GLIS3: variants seen among roughly 807,000 people sequenced by gnomAD.
The protein encoded by GLIS3 is GLIS family zinc finger 3.
GLIS3 carries 53 observed loss-of-function variants against 78.6 expected under a neutral mutation model. The ratio of observed to expected loss-of-function variants is 0.67; its 90% CI spans 0.54 to 0.85. The LOEUF (loss-of-function observed/expected upper bound fraction) is 0.85. Among genes scored for constraint, GLIS3 ranks in the 40% least tolerant of loss-of-function variants. The probability of loss-of-function intolerance (pLI) is 0.00; values close to 1 mark genes in which losing one functional copy is unlikely to be tolerated. For missense variants in GLIS3, 1,703 were observed against 1,231.1 expected (o/e 1.38, Z -5.74); for synonymous variants, 684 against 509.9 (o/e 1.34, Z -4.60).
intron 4 of GLIS3, among the ~76,000 whole-genome samples, chr9:3,994,077 A>G (rs1361157752): frequency 1.3e-5 from 2 of 152,206 alleles, no homozygotes; most frequent in African/African-American, 4.8e-5. Flanking sequence ...TGGACCAAAG[A>G]ATCTGCATTT....
the GLIS3 span, among the ~76,000 whole-genome samples, chr9:4,373,414 G>C: frequency 6.6e-6 from 1 of 152,160 alleles, no homozygotes; most frequent in East Asian, 1.9e-4. Flanking sequence ...CGGATGGGAG[G>C]TTAAATCCTT....
intron 4 of GLIS3, among the ~76,000 whole-genome samples, chr9:3,956,721 A>C (rs1372752681): frequency 6.6e-6 from 1 of 152,160 alleles, no homozygotes; most frequent in Non-Finnish European, 1.5e-5. Context: ...AACTCCTTCC[A>C]TGTGCCAACT....
rs780657741 is a variant in GLIS3, at chr9:4,118,940, A to G, written c.597-59T>C. The stretch of plus-strand genomic sequence containing the variant: ...AGATAAACATTTTAGCAGGATACGG[A>G]TTGCTTAAGAGCTAAAAGAACACTG... On this transcript the variant is annotated intron_variant, in intron 3 of 10. Transcript: ENST00000381971. This position sits in a 1 kb window ranked among gnomAD's most constrained non-coding sequence, Gnocchi z 4.7. 1.6e-4 allele frequency: 243 copies of G among 1,542,518 alleles called. No individual in the cohort carries two copies. The highest frequency in any genetic ancestry group is 2.1e-4 in the Admixed American group (11 of 53,572).
intron 2 of GLIS3, among the ~76,000 whole-genome samples, chr9:4,183,279 C>T (rs936730873): frequency 6.6e-6 from 1 of 152,132 alleles, no homozygotes; most frequent in Non-Finnish European, 1.5e-5. Flanking sequence ...GGGGTCACTT[C>T]AGCCATAAGA....
chr9:4,314,803 C>T (rs962454043), intron 2 of GLIS3, among the ~76,000 whole-genome samples: 1 of 152,184 alleles, frequency 6.6e-6, no homozygotes, highest in Non-Finnish European at 1.5e-5. Context: ...TGTCCCTGAG[C>T]CTTCATAGGG....
At chr9:4,356,940 G>A in the GLIS3 span, among the ~76,000 whole-genome samples, 1 of 152,228 alleles carries the variant, frequency 6.6e-6, no homozygotes, top group Non-Finnish European at 1.5e-5. Flanking sequence ...ATTTTAATAA[G>A]TGTTTCAAAA....
At chr9:4,469,500 C>G in the GLIS3 span, among the ~76,000 whole-genome samples, 29,367 of 152,136 alleles carry the variant, frequency 0.19, 2,933 homozygotes, top group Admixed American at 0.23. Flanking sequence ...AACCGCTCAA[C>G]TACATGGAAA....
intron 8 of GLIS3, among the ~76,000 whole-genome samples, chr9:3,875,885 C>T (rs1263352451): frequency 6.6e-6 from 1 of 152,180 alleles, no homozygotes; most frequent in African/African-American, 2.4e-5. Context: ...TCCATTTCCC[C>T]TTCCATGATT....
At chr9:4,217,949 C>T (rs1426577858) in intron 2 of GLIS3, among the ~76,000 whole-genome samples, 1 of 152,214 alleles carries the variant, frequency 6.6e-6, no homozygotes, top group Non-Finnish European at 1.5e-5. Context: ...TATTTAGCAT[C>T]TGCTGTGAGA....
intron 2 of GLIS3, among the ~76,000 whole-genome samples, chr9:4,233,290 G>A (rs1822434478): frequency 6.6e-6 from 1 of 152,086 alleles, no homozygotes; most frequent in African/African-American, 2.4e-5. Context: ...CTCAATCTAG[G>A]CACTAGACAG....
chr9:3,967,310 CCTGA>C (rs1276513329), intron 4 of GLIS3, among the ~76,000 whole-genome samples: 1 of 152,148 alleles, frequency 6.6e-6, no homozygotes, highest in Non-Finnish European at 1.5e-5. Flanking sequence ...TCAAGACCAG[CCTGA>C]CTAACATGGT....
intron 4 of GLIS3, among the ~76,000 whole-genome samples, chr9:3,945,868 G>A (rs964189600): frequency 2.1e-4 from 32 of 152,158 alleles, no homozygotes; most frequent in African/African-American, 7.2e-4. Flanking sequence ...GGTCAAAGAA[G>A]GGAAGGGGGA....
chr9:4,364,719 T>C, the GLIS3 span, among the ~76,000 whole-genome samples: 3 of 138,216 alleles, frequency 2.2e-5, no homozygotes, highest in African/African-American at 9.0e-5. Flanking sequence ...TTTATATATA[T>C]ATATATATTA....
chr9:3,863,367 G>T (rs1320072863), intron 8 of GLIS3, among the ~76,000 whole-genome samples: 1 of 152,202 alleles, frequency 6.6e-6, no homozygotes, highest in Non-Finnish European at 1.5e-5. Context: ...AGACAATCAA[G>T]ACCAGCTTTC....
chr9:4,212,649 A>G (rs577213046), intron 2 of GLIS3, among the ~76,000 whole-genome samples: 2 of 152,330 alleles, frequency 1.3e-5, no homozygotes, highest in African/African-American at 4.8e-5. Context: ...AAAGGCAACT[A>G]TGGAAACAAG....
intron 2 of GLIS3, among the ~76,000 whole-genome samples, chr9:4,283,265 T>C (rs184924332): frequency 3.7e-3 from 251 of 68,202 alleles, no homozygotes; most frequent in African/African-American, 0.025. Context: ...TTTTTTGTTT[T>C]TTTGTTTTTT....
At chr9:3,987,538 C>A (rs1321832174) in intron 4 of GLIS3, among the ~76,000 whole-genome samples, 1 of 151,428 alleles carries the variant, frequency 6.6e-6, no homozygotes, top group Non-Finnish European at 1.5e-5. Flanking sequence ...CCTGTCTCTA[C>A]TAAAAATGCA....
intron 4 of GLIS3, among the ~76,000 whole-genome samples, chr9:3,950,031 C>G (rs1053415467): frequency 2.0e-5 from 3 of 152,208 alleles, no homozygotes; most frequent in African/African-American, 7.2e-5. Context: ...ACCTTTTCCC[C>G]CAGAGCCTTC....
At chr9:4,399,867 A>C in the GLIS3 span, among the ~76,000 whole-genome samples, 7 of 152,330 alleles carry the variant, frequency 4.6e-5, no homozygotes, top group South Asian at 6.2e-4. Flanking sequence ...CTGAAGGAAA[A>C]GATGGAGGGA....
Sources: allele counts gnomAD v4.1 joint callset (sites outside exome capture counted in the v4.1 genomes callset), GRCh38; gene constraint gnomAD v4.1.1; non-coding constraint Gnocchi (gnomAD v3.1); transcripts MANE v1.5; gene names NCBI Gene and HGNC (gene_info 2026-07-23, HGNC 2026-07-21).